Variants in PRKCE observed in about 807,000 individuals in gnomAD.
The protein encoded by PRKCE is protein kinase C epsilon type.
Under a neutral mutation model 85.4 loss-of-function variants are expected in PRKCE, and 16 were observed. The observed-to-expected ratio is 0.19, with a 90% confidence interval of 0.13 to 0.28. PRKCE has a LOEUF of 0.28. PRKCE is among the 10% of genes least tolerant of loss of function. The pLI is 1.00. For missense variants in PRKCE, 573 were observed against 975.2 expected (o/e 0.59, Z 5.49); for synonymous variants, 388 against 371.5 (o/e 1.04, Z -0.51).
intron 2 of PRKCE, among the ~76,000 whole-genome samples, chr2:45,891,860 C>T (rs956217371): frequency 6.6e-6 from 1 of 152,226 alleles, no homozygotes; most frequent in Non-Finnish European, 1.5e-5. Flanking sequence ...AGGTGCTCCT[C>T]ACTGTCAGGT....
At chr2:45,985,726 C>A (rs1291355120) in intron 6 of PRKCE, among the ~76,000 whole-genome samples, 2 of 152,108 alleles carry the variant, frequency 1.3e-5, no homozygotes, top group East Asian at 3.9e-4. Context: ...TGACCAGAAG[C>A]AGCTGGGAGG....
chr2:46,150,592 C>T (rs1676525593), intron 12 of PRKCE, among the ~76,000 whole-genome samples: 1 of 152,190 alleles, frequency 6.6e-6, no homozygotes, highest in African/African-American at 2.4e-5. Flanking sequence ...AAGACCTCTG[C>T]TCACCTTTCC....
At position 46,041,608 on chromosome 2, in the gene PRKCE, A is replaced by T. The variant is rs1275826847; in HGVS notation, c.1437+31091A>T. On this transcript the variant is annotated intron_variant, in intron 10 of 14. Transcript: ENST00000306156. This position sits in a 1 kb window ranked among gnomAD's most constrained non-coding sequence, Gnocchi z 5.5. ...AGTAACCCACAAGGCAGTGATCTGG[A>T]TCTGTTTACCAAGTTAACTGCCAAG... Among the ~76,000 whole-genome samples the T allele has an allele frequency of 2.6e-5, 4 of 152,230 alleles. No individual in the cohort carries two copies. Among genetic ancestry groups the T allele is most frequent in the Non-Finnish European group, 4.4e-5 (3 of 68,026 alleles).
chr2:45,675,184 G>A (rs1327611804), intron 1 of PRKCE: 2 of 152,256 alleles, frequency 1.3e-5, no homozygotes, highest in African/African-American at 4.8e-5. Context: ...AAACAAAATA[G>A]CACAAGAAAA....
intron 1 of PRKCE, among the ~76,000 whole-genome samples, chr2:45,755,943 G>A (rs528373546): frequency 6.6e-6 from 1 of 152,340 alleles, no homozygotes; most frequent in East Asian, 1.9e-4. Context: ...GAGGAGGATG[G>A]AGAGTGGATT....
intron 10 of PRKCE, among the ~76,000 whole-genome samples, chr2:46,051,416 G>C (rs1316731482): frequency 2.6e-5 from 4 of 152,208 alleles, no homozygotes; most frequent in African/African-American, 9.7e-5. Context: ...CACTTAAACA[G>C]ATGAGGAAAC....
At chr2:45,776,747 G>A (rs1685779105) in intron 1 of PRKCE, among the ~76,000 whole-genome samples, 1 of 152,142 alleles carries the variant, frequency 6.6e-6, no homozygotes, top group African/African-American at 2.4e-5. Flanking sequence ...GCCCAAATGT[G>A]GTTTCAGGGC....
At chr2:45,808,420 T>C (rs1688410538) in intron 1 of PRKCE, among the ~76,000 whole-genome samples, 1 of 152,176 alleles carries the variant, frequency 6.6e-6, no homozygotes, top group Non-Finnish European at 1.5e-5. Context: ...CATAAAAAAG[T>C]GTTATTCCCT....
chr2:46,138,071 A>G lies in PRKCE; in HGVS notation c.1593-7022A>G, dbSNP rs1306325598. ...GGACTTATTTCTTTCCTGCTCAGAT[A>G]GGTTTTATAGAATATTTTAAAAGTA... is the stretch of plus-strand genomic sequence containing the variant. On this transcript the variant is annotated intron_variant, in intron 11 of 14. Transcript: ENST00000306156. This position sits in a 1 kb window ranked among gnomAD's most constrained non-coding sequence, Gnocchi z 4.2. Among the ~76,000 whole-genome samples, 1 of 152,140 alleles carries G rather than the reference A, an allele frequency of 6.6e-6. No homozygotes were observed. The highest frequency in any genetic ancestry group is 1.5e-5 in the Non-Finnish European group (1 of 68,036).
At chr2:45,996,289 A>C (rs1368062841) in intron 6 of PRKCE, among the ~76,000 whole-genome samples, 5 of 152,198 alleles carry the variant, frequency 3.3e-5, no homozygotes, top group Non-Finnish European at 7.4e-5. Flanking sequence ...GGACAATCAT[A>C]TCATCTACAA....
intron 11 of PRKCE, among the ~76,000 whole-genome samples, chr2:46,107,714 A>G (rs1441736447): frequency 6.6e-6 from 1 of 152,204 alleles, no homozygotes; most frequent in Non-Finnish European, 1.5e-5. Context: ...CATCCTCTCT[A>G]GTAATTAGTA....
Position 46,004,534 on chromosome 2 carries a change from C to A in PRKCE, c.967-8C>A. 2 of 1,570,998 alleles carry A rather than the reference C, an allele frequency of 1.3e-6. No homozygotes were observed. Among genetic ancestry groups the A allele is most frequent in the Non-Finnish European group, 1.7e-6 (2 of 1,164,484 alleles). ...GATGCCTCTGTCCCTGCTTTCTCTCCTCTCTAGCTCATTGCTGGTGCCGAG... is the reference window on the plus strand; with the variant it reads ...GATGCCTCTGTCCCTGCTTTCTCTCATCTCTAGCTCATTGCTGGTGCCGAG... On this transcript the variant is annotated splice_polypyrimidine_tract_variant and splice_region_variant and intron_variant, in intron 7 of 14. Coordinates refer to ENST00000306156, the MANE Select transcript of PRKCE (RefSeq NM_005400.3). This position sits in a 1 kb window ranked among gnomAD's most constrained non-coding sequence, Gnocchi z 4.1.
At chr2:46,012,160 G>A (rs1442146755) in intron 10 of PRKCE, among the ~76,000 whole-genome samples, 7 of 152,126 alleles carry the variant, frequency 4.6e-5, no homozygotes, top group South Asian at 4.1e-4. Context: ...CATGAGAAAT[G>A]TATCATATTT....
chr2:46,014,351 C>G (rs1333450485), intron 10 of PRKCE, among the ~76,000 whole-genome samples: 1 of 152,172 alleles, frequency 6.6e-6, no homozygotes, highest in Non-Finnish European at 1.5e-5. Flanking sequence ...CCACATTCGT[C>G]CCAGGTCCTC....
Position 46,002,408 on chromosome 2 carries a change from C to T in PRKCE, c.966+862C>T, listed in dbSNP as rs1231697634. Among the ~76,000 whole-genome samples, 5 of 152,196 alleles carry T rather than the reference C, an allele frequency of 3.3e-5. No homozygotes were observed. The East Asian group carries it at 5.8e-4, about 18-fold the overall frequency. On this transcript the variant is annotated intron_variant, in intron 7 of 14. Coordinates refer to ENST00000306156, the MANE Select transcript of PRKCE (RefSeq NM_005400.3). ...GACTCTAGGTACCTCTGCAATCTTC[C>T]GCCTAAATAGTCTCCCTGAATTTTG...
chr2:45,735,723 C>G (rs1682000521), intron 1 of PRKCE, among the ~76,000 whole-genome samples: 1 of 152,160 alleles, frequency 6.6e-6, no homozygotes, highest in Non-Finnish European at 1.5e-5. Flanking sequence ...ATTTTGTGCA[C>G]TTGTCTGAAG....
chr2:45,698,236 TA>T (rs1163017341), intron 1 of PRKCE, among the ~76,000 whole-genome samples: 1 of 152,212 alleles, frequency 6.6e-6, no homozygotes, highest in Admixed American at 6.5e-5. Context: ...GATTTATATG[TA>T]AGTACCCAGA....
intron 2 of PRKCE, among the ~76,000 whole-genome samples, chr2:45,957,596 T>A (rs1701055494): frequency 6.6e-6 from 1 of 152,178 alleles, no homozygotes; most frequent in Non-Finnish European, 1.5e-5. Context: ...ATAGGATAGA[T>A]AATGAGGTCT....
intron 1 of PRKCE, among the ~76,000 whole-genome samples, chr2:45,768,363 A>G (rs1408567045): frequency 6.6e-6 from 1 of 152,236 alleles, no homozygotes; most frequent in Non-Finnish European, 1.5e-5. Flanking sequence ...TCTATGTGTG[A>G]GTCCCATGGG....
Sources: allele counts gnomAD v4.1 joint callset (sites outside exome capture counted in the v4.1 genomes callset), GRCh38; gene constraint gnomAD v4.1.1; non-coding constraint Gnocchi (gnomAD v3.1); transcripts MANE v1.5; gene names NCBI Gene and HGNC (gene_info 2026-07-23, HGNC 2026-07-21).